NTM: variants seen among roughly 807,000 people sequenced by gnomAD.
NTM encodes IgLON family member 2.
In NTM, 13 loss-of-function variants were observed where a neutral mutation model predicts 42.1. That is an observed-to-expected ratio of 0.31 (90% confidence interval 0.20 to 0.49). The LOEUF (loss-of-function observed/expected upper bound fraction) is 0.49, where lower values mean the gene tolerates loss of function less well. Ranked by LOEUF, NTM falls within the 20% of genes least tolerant of loss-of-function variation. The probability of loss-of-function intolerance (pLI) is 0.99; values close to 1 mark genes in which losing one functional copy is unlikely to be tolerated. For missense variants in NTM, 373 were observed against 452.8 expected (o/e 0.82, Z 1.60); for synonymous variants, 187 against 179.2 (o/e 1.04, Z -0.35).
intron 1 of NTM, among the ~76,000 whole-genome samples, chr11:131,684,102 C>T (rs1039174713): frequency 3.3e-5 from 5 of 152,182 alleles, no homozygotes; most frequent in Admixed American, 6.5e-5. Context: ...TTCATTGCTT[C>T]ATTCTGTCTG....
intron 1 of NTM, chr11:131,911,005 C>T (rs965294493): frequency 3.0e-6 from 3 of 1,003,372 alleles, no homozygotes; most frequent in Non-Finnish European, 3.6e-6. Flanking sequence ...GGCTCCGAAA[C>T]TTACAAAGTG....
intron 1 of NTM, among the ~76,000 whole-genome samples, chr11:131,499,539 G>A (rs540082630): frequency 6.6e-6 from 1 of 152,270 alleles, no homozygotes; most frequent in South Asian, 2.1e-4. Flanking sequence ...CATGACGAAG[G>A]TGCTTGTAAA....
chr11:132,174,029 T>A (rs1042491335), intron 3 of NTM, among the ~76,000 whole-genome samples: 2 of 152,182 alleles, frequency 1.3e-5, no homozygotes, highest in Non-Finnish European at 2.9e-5. Flanking sequence ...TATACACCTG[T>A]TTGGTCCTAT....
At chr11:131,494,165 T>G (rs1354286117) in intron 1 of NTM, among the ~76,000 whole-genome samples, 1 of 152,144 alleles carries the variant, frequency 6.6e-6, no homozygotes, top group East Asian at 1.9e-4. Context: ...GTAAACAAAT[T>G]GTTACTATTG....
chr11:131,935,498 T>C (rs1354578247), intron 2 of NTM, among the ~76,000 whole-genome samples: 2 of 152,038 alleles, frequency 1.3e-5, no homozygotes, highest in African/African-American at 4.8e-5. Flanking sequence ...CAAAGTTCCC[T>C]GGTGGAGTTA....
chr11:131,425,830 T>G (rs1948077855), intron 1 of NTM, among the ~76,000 whole-genome samples: 1 of 152,094 alleles, frequency 6.6e-6, no homozygotes, highest in Admixed American at 6.6e-5. Flanking sequence ...TTTGGTAGCT[T>G]AATGGGTCTT....
intron 2 of NTM, among the ~76,000 whole-genome samples, chr11:132,041,123 A>G (rs932916756): frequency 6.6e-6 from 1 of 152,018 alleles, no homozygotes; most frequent in African/African-American, 2.4e-5. Context: ...CTGGATTGGA[A>G]GCTTTCTTTG....
chr11:132,115,158 A>G (rs2063716007), intron 2 of NTM, among the ~76,000 whole-genome samples: 2 of 152,096 alleles, frequency 1.3e-5, no homozygotes, highest in South Asian at 4.1e-4. Flanking sequence ...AGTGGGAGAG[A>G]ATGGGGAGAT....
chr11:131,860,232 G>T (rs1479463056), intron 1 of NTM, among the ~76,000 whole-genome samples: 1 of 152,278 alleles, frequency 6.6e-6, no homozygotes, highest in African/African-American at 2.4e-5. Context: ...CGTGTTTGGA[G>T]GGTCTCTGGA....
intron 1 of NTM, among the ~76,000 whole-genome samples, chr11:131,458,921 C>A (rs1951136782): frequency 6.6e-6 from 1 of 152,266 alleles, no homozygotes; most frequent in Non-Finnish European, 1.5e-5. Context: ...GATACTGAGA[C>A]TTCTAGTTCA....
chr11:132,092,071 A>G (rs969142643), intron 2 of NTM, among the ~76,000 whole-genome samples: 1 of 152,188 alleles, frequency 6.6e-6, no homozygotes, highest in Non-Finnish European at 1.5e-5. Flanking sequence ...TAGCAATGCT[A>G]TGGACTTTGT....
chr11:131,739,532 A>G (rs1333860417), intron 1 of NTM, among the ~76,000 whole-genome samples: 1 of 152,028 alleles, frequency 6.6e-6, no homozygotes. Flanking sequence ...CTCACCCCAC[A>G]CTGGCCGCCG....
At chr11:131,697,066 A>C (rs2075543078) in intron 1 of NTM, among the ~76,000 whole-genome samples, 1 of 152,186 alleles carries the variant, frequency 6.6e-6, no homozygotes, top group South Asian at 2.1e-4. Context: ...CAGTTTTTAG[A>C]CGAAGCCGGC....
intron 1 of NTM, among the ~76,000 whole-genome samples, chr11:131,751,453 G>A (rs930488024): frequency 1.3e-5 from 2 of 152,012 alleles, no homozygotes; most frequent in Non-Finnish European, 2.9e-5. Flanking sequence ...AGCCGGGCGC[G>A]GTGGCGGGCA....
intron 1 of NTM, among the ~76,000 whole-genome samples, chr11:131,564,634 C>A (rs932516518): frequency 6.6e-6 from 1 of 152,104 alleles, no homozygotes; most frequent in Non-Finnish European, 1.5e-5. Context: ...ATCAAGGTAA[C>A]AAATATATCC....
intron 1 of NTM, among the ~76,000 whole-genome samples, chr11:131,815,286 C>A (rs922733730): frequency 6.6e-6 from 1 of 152,116 alleles, no homozygotes; most frequent in Admixed American, 6.5e-5. Context: ...AAAGGACTGC[C>A]TTCTGGGAGC....
intron 4 of NTM, among the ~76,000 whole-genome samples, chr11:132,268,844 A>G (rs1346053320): frequency 6.6e-6 from 1 of 152,172 alleles, no homozygotes; most frequent in Non-Finnish European, 1.5e-5. Flanking sequence ...TCTAGCAGAA[A>G]GGAAAGGATG....
intron 1 of NTM, among the ~76,000 whole-genome samples, chr11:131,487,922 G>A (rs932099737): frequency 1.3e-5 from 2 of 152,208 alleles, no homozygotes; most frequent in Non-Finnish European, 2.9e-5. Context: ...ACTAGAAATA[G>A]CCAGTGAGGG....
chr11:131,756,463 G>T (rs74863475), intron 1 of NTM, among the ~76,000 whole-genome samples: 3,429 of 151,720 alleles, frequency 0.023, 132 homozygotes, highest in African/African-American at 0.078. Context: ...GACGGAGGTT[G>T]CAGTGAGCCG....
Sources: gnomAD v4.1 joint callset for allele counts (sites outside exome capture counted in the v4.1 genomes callset) on GRCh38, gnomAD v4.1.1 for gene constraint, MANE v1.5 for transcripts, NCBI Gene and HGNC (gene_info 2026-07-23, HGNC 2026-07-21) for gene names.